Variants in CALN1 observed in about 807,000 individuals in gnomAD.
CALN1 encodes calcium-binding protein 8.
CALN1 carries 17 observed loss-of-function variants against 30.6 expected under a neutral mutation model. That is an observed-to-expected ratio of 0.56 (90% CI 0.38 to 0.83). The LOEUF (loss-of-function observed/expected upper bound fraction) is 0.83, where lower values mean the gene tolerates loss of function less well. Among genes scored for constraint, CALN1 ranks in the 40% least tolerant of loss-of-function variants. The pLI is 0.00. For synonymous variants in CALN1, 156 were observed against 131.4 expected (o/e 1.19, Z -1.28); for missense variants, 291 against 354.9 (o/e 0.82, Z 1.45).
chr7:72,259,947 C>T (rs1192360124), intron 3 of CALN1, among the ~76,000 whole-genome samples: 1 of 152,180 alleles, frequency 6.6e-6, no homozygotes, highest in South Asian at 2.1e-4. Context: ...ATCAATATAC[C>T]TTGTCCAGTC....
At chr7:71,817,363 T>C (rs1317072102) in intron 5 of CALN1, among the ~76,000 whole-genome samples, 3 of 152,214 alleles carry the variant, frequency 2.0e-5, no homozygotes, top group Admixed American at 2.0e-4. Context: ...TCTCTTCTAG[T>C]TGATTTTCGT....
intron 2 of CALN1, among the ~76,000 whole-genome samples, chr7:72,364,287 A>G (rs958967079): frequency 3.2e-5 from 1 of 31,194 alleles, no homozygotes; most frequent in Non-Finnish European, 6.5e-5. Context: ...TGATCAAACA[A>G]TTCTAAAACT....
At chr7:72,228,878 C>G (rs1793879585) in intron 3 of CALN1, among the ~76,000 whole-genome samples, 1 of 151,230 alleles carries the variant, frequency 6.6e-6, no homozygotes, top group Non-Finnish European at 1.5e-5. Flanking sequence ...CCTCCCACCT[C>G]AGCCTCCTGA....
intron 3 of CALN1, among the ~76,000 whole-genome samples, chr7:72,136,352 C>T (rs979953336): frequency 1.1e-4 from 16 of 152,076 alleles, no homozygotes; most frequent in African/African-American, 2.7e-4. Flanking sequence ...CCTTTGCTAG[C>T]GTCAAACTTT....
intron 5 of CALN1, among the ~76,000 whole-genome samples, chr7:71,863,922 G>A (rs1216417439): frequency 1.3e-5 from 2 of 152,084 alleles, no homozygotes; most frequent in Non-Finnish European, 1.5e-5. Flanking sequence ...TGTCTGTATC[G>A]AATAGGAATC....
At chr7:72,384,656 A>G (rs1438223894) in intron 2 of CALN1, among the ~76,000 whole-genome samples, 1 of 152,114 alleles carries the variant, frequency 6.6e-6, no homozygotes, top group African/African-American at 2.4e-5. Context: ...GAAAAAAAAA[A>G]GTAAAAGCAA....
intron 6 of CALN1, among the ~76,000 whole-genome samples, chr7:71,807,967 G>T (rs888129138): frequency 2.0e-5 from 3 of 152,048 alleles, no homozygotes; most frequent in Non-Finnish European, 2.9e-5. Context: ...CCAGCTATTC[G>T]GGAGGCTGAG....
chr7:72,396,946 T>C (rs774666603), intron 2 of CALN1, among the ~76,000 whole-genome samples: 5 of 152,152 alleles, frequency 3.3e-5, no homozygotes, highest in African/African-American at 4.8e-5. Context: ...GGTCTGTCTG[T>C]GTTGCCCAGG....
chr7:71,953,188 C>T (rs1364786608), intron 5 of CALN1, among the ~76,000 whole-genome samples: 2 of 152,038 alleles, frequency 1.3e-5, no homozygotes, highest in East Asian at 1.9e-4. Flanking sequence ...GAACTCCTGG[C>T]CTCAAGCAAG....
chr7:72,139,911 C>T (rs1356574334), intron 3 of CALN1, among the ~76,000 whole-genome samples: 5 of 152,116 alleles, frequency 3.3e-5, no homozygotes, highest in Admixed American at 6.5e-5. Context: ...CCTACTAAGC[C>T]CTCTTTAGGA....
chr7:72,370,699 AT>A (rs370565743), intron 2 of CALN1, among the ~76,000 whole-genome samples: 1 of 151,754 alleles, frequency 6.6e-6, no homozygotes, highest in East Asian at 1.9e-4. Context: ...CAATTGACAA[AT>A]TTTTTTTCTG....
chr7:72,191,872 C>T (rs1428516607), intron 3 of CALN1, among the ~76,000 whole-genome samples: 1 of 152,180 alleles, frequency 6.6e-6, no homozygotes, highest in Non-Finnish European at 1.5e-5. Context: ...GCCGCACGCT[C>T]CCCGCTAGGC....
chr7:71,838,509 CTT>C, intron 5 of CALN1, among the ~76,000 whole-genome samples: 1 of 152,270 alleles, frequency 6.6e-6, no homozygotes, highest in African/African-American at 2.4e-5. Flanking sequence ...TGAGCCCAGT[CTT>C]GAACTCCTGG....
chr7:72,301,814 A>G (rs1012052243), intron 2 of CALN1, among the ~76,000 whole-genome samples: 5 of 152,142 alleles, frequency 3.3e-5, no homozygotes, highest in African/African-American at 1.2e-4. Context: ...TCATTCAGAG[A>G]GAAAGGCTGC....
At chr7:72,010,895 C>T (rs1800038803) in intron 5 of CALN1, among the ~76,000 whole-genome samples, 1 of 151,578 alleles carries the variant, frequency 6.6e-6, no homozygotes, top group African/African-American at 2.4e-5. Flanking sequence ...TGGCTAATGC[C>T]TGTAATCCCA....
At position 72,383,504 on chromosome 7, in the gene CALN1, G is replaced by A. The variant is rs571498153; in HGVS notation, c.119+19747C>T. Among the ~76,000 whole-genome samples, 119 of 152,240 alleles carry A rather than the reference G, an allele frequency of 7.8e-4. 1 individual carries two copies. The highest frequency in any genetic ancestry group is 2.6e-3 in the African/African-American group (108 of 41,548). ...GCCTCTCTCTGGTGGTTAGTGATGT[G>A]GAGCATTTTTTCATGTTTGTTGGCT... On this transcript the variant is annotated intron_variant, in intron 2 of 6. Transcript: ENST00000395275.
intron 3 of CALN1, among the ~76,000 whole-genome samples, chr7:72,212,401 T>C (rs1045770580): frequency 5.4e-5 from 8 of 149,348 alleles, no homozygotes; most frequent in Admixed American, 2.7e-4. Flanking sequence ...CCAATAGATA[T>C]GACATGGAAG....
chr7:72,042,932 G>C (rs1016483538), intron 4 of CALN1, among the ~76,000 whole-genome samples: 3 of 152,100 alleles, frequency 2.0e-5, no homozygotes, highest in Non-Finnish European at 4.4e-5. Context: ...TATCTTGCTA[G>C]GCCAACACTT....
chr7:71,813,884 T>C (rs377058122), intron 5 of CALN1, among the ~76,000 whole-genome samples: 70 of 149,790 alleles, frequency 4.7e-4, no homozygotes, highest in African/African-American at 6.2e-4. Flanking sequence ...TGAGCCGACA[T>C]TGTGTCACTG....
Sources: allele counts gnomAD v4.1 joint callset (sites outside exome capture counted in the v4.1 genomes callset), GRCh38; gene constraint gnomAD v4.1.1; transcripts MANE v1.5; gene names NCBI Gene and HGNC (gene_info 2026-07-23, HGNC 2026-07-21).